The following ERC2 variants were observed in gnomAD, a reference collection of about 807,000 sequenced individuals.
ERC2 encodes the protein ERC protein 2.
A neutral mutation model predicts 114.8 loss-of-function variants in ERC2; 42 were observed. The observed-to-expected ratio is 0.37, with a 90% CI of 0.29 to 0.47. The LOEUF is 0.47. Ranked by LOEUF, ERC2 falls within the 20% of genes least tolerant of loss-of-function variation. The pLI is 0.99. For synonymous variants in ERC2, 454 were observed against 425.5 expected (o/e 1.07, Z -0.82); for missense variants, 939 against 1,150.7 (o/e 0.82, Z 2.66).
rs2060350544 is a variant in ERC2 at position 55,826,975 on chromosome 3, T to C, written c.2564+61414A>G. Among the ~76,000 whole-genome samples the C allele has an allele frequency of 2.0e-5, 3 of 152,216 alleles. No homozygotes were observed. The South Asian group carries it at 6.2e-4, about 31-fold the overall frequency. On this transcript the variant is annotated intron_variant, in intron 14 of 17. Coordinates refer to ENST00000288221, the MANE Select transcript of ERC2 (RefSeq NM_015576.3). ...AGGCCACCAAGCAGAGCACAGCCTG[T>C]TTCATTTTAATAGCAGCCTCACTTT... is the stretch of plus-strand genomic sequence containing the variant.
chr3:56,269,111 C>T (rs1358849610), intron 3 of ERC2, among the ~76,000 whole-genome samples: 2 of 152,072 alleles, frequency 1.3e-5, no homozygotes, highest in East Asian at 1.9e-4. Context: ...CTTTGGCTAA[C>T]GTTATAAACA....
intron 14 of ERC2, among the ~76,000 whole-genome samples, chr3:55,823,492 C>G (rs186999058): frequency 2.6e-5 from 4 of 152,194 alleles, no homozygotes; most frequent in Admixed American, 2.0e-4. Flanking sequence ...TTTACCCAGC[C>G]TGAGTCATTC....
intron 10 of ERC2, among the ~76,000 whole-genome samples, chr3:56,004,716 C>T (rs2072340341): frequency 6.6e-6 from 1 of 151,730 alleles, no homozygotes; most frequent in African/African-American, 2.4e-5. Context: ...TACCTGGACA[C>T]TCACAAACCT....
chr3:55,612,268 C>G (rs188128189), intron 17 of ERC2, among the ~76,000 whole-genome samples: 1 of 152,318 alleles, frequency 6.6e-6, no homozygotes, highest in Non-Finnish European at 1.5e-5. Context: ...AAAGGTGGCT[C>G]CACTTACACC....
intron 2 of ERC2, among the ~76,000 whole-genome samples, chr3:56,385,575 A>G (rs1434623850): frequency 1.3e-5 from 2 of 152,170 alleles, no homozygotes; most frequent in Non-Finnish European, 2.9e-5. Flanking sequence ...TAAATGCCTT[A>G]ATGTTCTAGT....
At chr3:56,194,759 C>T (rs2047994995) in intron 3 of ERC2, among the ~76,000 whole-genome samples, 1 of 152,078 alleles carries the variant, frequency 6.6e-6, no homozygotes, top group African/African-American at 2.4e-5. Flanking sequence ...GGACCATTGT[C>T]ATATGTGGCC....
chr3:55,704,836 A>G (rs815438), intron 15 of ERC2, among the ~76,000 whole-genome samples: 81,696 of 152,130 alleles, frequency 0.54, 22,998 homozygotes, highest in South Asian at 0.73. Flanking sequence ...TTCACTCAAC[A>G]CTTACTGAAC....
chr3:56,124,605 A>G (rs2079770688), intron 6 of ERC2, among the ~76,000 whole-genome samples: 1 of 152,118 alleles, frequency 6.6e-6, no homozygotes, highest in Non-Finnish European at 1.5e-5. Flanking sequence ...CAGAAGGAGG[A>G]AGAAATATAA....
chr3:55,596,222 G>A (rs184932305), intron 17 of ERC2, among the ~76,000 whole-genome samples: 121 of 152,278 alleles, frequency 7.9e-4, no homozygotes, highest in African/African-American at 2.7e-3. Context: ...GAGAACATGC[G>A]AAATAAGAAG....
chr3:55,523,571 C>G lies in ERC2; in HGVS notation c.*40-12295G>C, dbSNP rs72868673. Among the ~76,000 whole-genome samples, 7 of 152,254 alleles carry G rather than the reference C, an allele frequency of 4.6e-5. No individual in the cohort carries two copies. The East Asian group carries it at 1.4e-3, about 29-fold the overall frequency. Reference sequence around the variant, plus strand: ...AACACCGTCTTGACAATTTCTCCCCCCTCTCCCCATATGCACTCCTGCTTC... The same window carrying G: ...AACACCGTCTTGACAATTTCTCCCCGCTCTCCCCATATGCACTCCTGCTTC... On this transcript the variant is annotated intron_variant, in intron 17 of 17. Coordinates refer to ENST00000288221, the MANE Select transcript of ERC2 (RefSeq NM_015576.3).
chr3:55,753,419 C>T (rs906226065), intron 14 of ERC2, among the ~76,000 whole-genome samples: 7 of 152,076 alleles, frequency 4.6e-5, no homozygotes. Context: ...CAGAAGATCC[C>T]CCACAGGAAA....
At chr3:55,721,669 C>G (rs2064562273) in intron 15 of ERC2, among the ~76,000 whole-genome samples, 1 of 152,234 alleles carries the variant, frequency 6.6e-6, no homozygotes, top group African/African-American at 2.4e-5. Flanking sequence ...CCTTCTACTG[C>G]CTGCCAGGGC....
intron 14 of ERC2, among the ~76,000 whole-genome samples, chr3:55,864,180 T>TACACATATATATATACACATATATATAC (rs1559783353): frequency 3.3e-4 from 40 of 120,316 alleles, no homozygotes; most frequent in Non-Finnish European, 6.6e-4. Flanking sequence ...CATATATATA[T>TACACATATATATATACACATATATATAC]ACACATATAT....
chr3:56,298,009 T>A (rs567947881), intron 2 of ERC2, among the ~76,000 whole-genome samples: 1 of 152,166 alleles, frequency 6.6e-6, no homozygotes. Context: ...CCTCTCAGGG[T>A]ATTGAATGCA....
At chr3:56,153,417 G>A (rs1007640896) in intron 4 of ERC2, among the ~76,000 whole-genome samples, 53 of 152,238 alleles carry the variant, frequency 3.5e-4, no homozygotes, top group African/African-American at 1.1e-3. Flanking sequence ...CAAGATCCTC[G>A]GGTGATTCGG....
chr3:55,845,312 G>A (rs2061309946), intron 14 of ERC2, among the ~76,000 whole-genome samples: 3 of 152,036 alleles, frequency 2.0e-5, no homozygotes, highest in East Asian at 1.9e-4. Context: ...AGACCATCCC[G>A]GCTAAAACGG....
chr3:55,750,703 A>G (rs1437529200), intron 14 of ERC2, among the ~76,000 whole-genome samples: 1 of 152,226 alleles, frequency 6.6e-6, no homozygotes, highest in Non-Finnish European at 1.5e-5. Context: ...GCCTGTTCCT[A>G]GTTGCATAAC....
intron 14 of ERC2, among the ~76,000 whole-genome samples, chr3:55,853,433 G>A (rs536537235): frequency 1.4e-4 from 21 of 152,188 alleles, no homozygotes; most frequent in African/African-American, 4.3e-4. Flanking sequence ...GCTGAGAGGG[G>A]AGGATGACTT....
At chr3:56,281,436 CAAAAA>C (rs71099629) in intron 3 of ERC2, among the ~76,000 whole-genome samples, 42 of 47,528 alleles carry the variant, frequency 8.8e-4, no homozygotes, top group South Asian at 3.9e-3. Flanking sequence ...GACTCCGTCT[CAAAAA>C]AAAAAAAAAA....
Sources: allele counts gnomAD v4.1 joint callset (sites outside exome capture counted in the v4.1 genomes callset), GRCh38; gene constraint gnomAD v4.1.1; transcripts MANE v1.5; gene names NCBI Gene and HGNC (gene_info 2026-07-23, HGNC 2026-07-21).